SYNE1: variants seen among roughly 807,000 people sequenced by gnomAD.
SYNE1 encodes the protein spectrin repeat containing nuclear envelope protein 1.
Under a neutral mutation model 1,111.0 loss-of-function variants are expected in SYNE1, and 616 were observed. The ratio of observed to expected loss-of-function variants is 0.55; its 90% confidence interval spans 0.52 to 0.59. The LOEUF (loss-of-function observed/expected upper bound fraction) is 0.59, where lower values mean the gene tolerates loss of function less well. Ranked by LOEUF, SYNE1 falls within the 20% of genes least tolerant of loss-of-function variation. SYNE1 has a pLI of 0.00. For missense variants in SYNE1, 10,006 were observed against 10,417.0 expected, an observed-to-expected ratio of 0.96 and a Z score of 1.72; for synonymous variants, 3,855 against 3,825.8, an observed-to-expected ratio of 1.01 and a Z score of -0.28.
chr6:152,604,703 G>A (rs1435449518), intron 3 of SYNE1, among the ~76,000 whole-genome samples: 1 of 151,840 alleles, frequency 6.6e-6, no homozygotes, highest in Non-Finnish European at 1.5e-5. Flanking sequence ...ACTTTGGGAA[G>A]TCAAGGCAGG....
chr6:152,209,483 C>T (rs1394269307), intron 124 of SYNE1, among the ~76,000 whole-genome samples: 1 of 152,150 alleles, frequency 6.6e-6, no homozygotes, highest in African/African-American at 2.4e-5. Context: ...GGCCCGGTGA[C>T]TCACGTCTTT....
At chr6:152,281,260 A>T (rs2094009888) in intron 97 of SYNE1, among the ~76,000 whole-genome samples, 1 of 152,242 alleles carries the variant, frequency 6.6e-6, no homozygotes, top group Non-Finnish European at 1.5e-5. Context: ...TAGCATTAGA[A>T]TAAAGACTTT....
intron 127 of SYNE1, among the ~76,000 whole-genome samples, chr6:152,201,502 C>G (rs1017040877): frequency 2.7e-5 from 4 of 148,466 alleles, no homozygotes; most frequent in Admixed American, 6.7e-5. Context: ...CTTGTAGACT[C>G]GATTCTTCTG....
intron 46 of SYNE1, among the ~76,000 whole-genome samples, chr6:152,403,389 C>T (rs1156601534): frequency 2.0e-5 from 3 of 152,114 alleles, no homozygotes; most frequent in Non-Finnish European, 4.4e-5. Flanking sequence ...TCAGTAACAG[C>T]ATTAGGAAAA....
chr6:152,395,401 A>C, intron 51 of SYNE1, 115 bp downstream of exon 51: 1 of 1,082,438 alleles, frequency 9.2e-7, no homozygotes, highest in Non-Finnish European at 1.4e-6. Context: ...CAAGGACAGC[A>C]CAAACCACTA....
At chr6:152,514,035 G>T (rs767720186) in intron 6 of SYNE1, among the ~76,000 whole-genome samples, 1 of 152,184 alleles carries the variant, frequency 6.6e-6, no homozygotes, top group Non-Finnish European at 1.5e-5. Flanking sequence ...TGGTGGGAGT[G>T]TAAATTAGTT....
At chr6:152,553,649 A>G (rs1272169151) in intron 3 of SYNE1, among the ~76,000 whole-genome samples, 3 of 152,160 alleles carry the variant, frequency 2.0e-5, no homozygotes, top group African/African-American at 7.2e-5. Flanking sequence ...CCTCCTCAAC[A>G]GAGCAGGAAA....
At chr6:152,564,002 T>A (rs957043992) in intron 3 of SYNE1, among the ~76,000 whole-genome samples, 1 of 152,090 alleles carries the variant, frequency 6.6e-6, no homozygotes, top group Non-Finnish European at 1.5e-5. Context: ...ACATAAAATA[T>A]CAGTTAAAGA....
chr6:152,459,589 T>A (rs1167475954), intron 21 of SYNE1, among the ~76,000 whole-genome samples: 1 of 152,182 alleles, frequency 6.6e-6, no homozygotes, highest in Non-Finnish European at 1.5e-5. Context: ...CTGTCACTTG[T>A]CTTGTAAAAC....
intron 3 of SYNE1, among the ~76,000 whole-genome samples, chr6:152,617,882 C>T (rs1727042): frequency 0.72 from 108,841 of 152,052 alleles, 39,045 homozygotes; most frequent in East Asian, 0.81. Flanking sequence ...GGAAATGAGA[C>T]TGAGATTGGC....
At chr6:152,421,756 A>G (rs1466584208) in intron 39 of SYNE1, among the ~76,000 whole-genome samples, 2 of 151,094 alleles carry the variant, frequency 1.3e-5, no homozygotes, top group African/African-American at 4.9e-5. Context: ...CCCAGGCTGG[A>G]GTGCAATGGC....
At chr6:152,614,947 A>C (rs2099641660) in intron 3 of SYNE1, among the ~76,000 whole-genome samples, 1 of 152,150 alleles carries the variant, frequency 6.6e-6, no homozygotes, top group African/African-American at 2.4e-5. Flanking sequence ...ACACTTGGAG[A>C]CGGGGGCAGG....
intron 95 of SYNE1, 74 bp from the exon 96 acceptor site, chr6:152,284,246 T>G: frequency 6.8e-7 from 1 of 1,471,174 alleles, no homozygotes; most frequent in Non-Finnish European, 9.4e-7. Flanking sequence ...TAGCTGAGTC[T>G]CACATCCATT....
chr6:152,414,045 A>G (rs1330711631), intron 41 of SYNE1, among the ~76,000 whole-genome samples: 3 of 151,264 alleles, frequency 2.0e-5, no homozygotes, highest in Non-Finnish European at 2.9e-5. Flanking sequence ...TACTTTGTTG[A>G]AAAGATTACC....
At chr6:152,441,090 GT>G in intron 32 of SYNE1, 39 bp downstream of exon 32, 3 of 1,610,990 alleles carry the variant, frequency 1.9e-6, no homozygotes, top group Non-Finnish European at 2.5e-6. Context: ...GTTTTGCTTT[GT>G]TTTTTCTGAA....
intron 138 of SYNE1, 50 bp from the exon 139 acceptor site, chr6:152,141,379 C>T (rs767521366): frequency 1.9e-6 from 3 of 1,610,144 alleles, no homozygotes; most frequent in Non-Finnish European, 2.5e-6. Flanking sequence ...TTCATGAGTG[C>T]AAAAGCTTCC....
In SYNE1 at chr6:152,219,058, C is replaced by T; in HGVS notation, c.21989G>A (p.Ser7330Asn). The change falls in exon 120 of 146, where the codon AGT (serine) becomes AAT (asparagine). Residue 7330 changes from serine (S) to asparagine (N), a missense_variant. Ser to Asn is a conservative substitution (Grantham distance 46). This residue lies in a region of SYNE1 where 2,182 missense variants were observed against 2,287.8 expected (regional missense o/e 0.95). Transcript: ENST00000367255. ...TTGCTCCAGGGCACACAAGTGTTGA[C>T]TCAAAGAGAGTTGATCCGATTGAAT... Reference protein sequence around the residue: ...SAIQSDQLSLSQHLCALEQAL... With the variant: ...SAIQSDQLSLNQHLCALEQAL... The T allele has an allele frequency of 6.2e-7, 1 of 1,614,168 alleles. No individual in the cohort carries two copies. The highest frequency in any genetic ancestry group is 8.5e-7 in the Non-Finnish European group (1 of 1,180,020).
At chr6:152,224,732 G>A in intron 116 of SYNE1, 68 bp from the exon 117 acceptor site, 2 of 1,472,996 alleles carry the variant, frequency 1.4e-6, no homozygotes, top group South Asian at 1.2e-5. Context: ...ATATTCAATT[G>A]ATGGGAAAAT....
rs886044477 is a variant in SYNE1 at position 152,458,754 on chromosome 6, C to G, written c.2568+3G>C. On this transcript the variant is annotated splice_donor_region_variant and intron_variant, in intron 22 of 145. Transcript: ENST00000367255. ...ATTGTCTCCTGAAAAGGATTGTTCT[C>G]ACCTGATGTTTTTGTTTAAAAAGGG... 1 of 1,613,820 alleles carries G rather than the reference C, an allele frequency of 6.2e-7. No individual in the cohort carries two copies. The highest frequency in any genetic ancestry group is 8.5e-7 in the Non-Finnish European group (1 of 1,179,882).
Sources: gnomAD v4.1 joint callset for allele counts (sites outside exome capture counted in the v4.1 genomes callset) on GRCh38, gnomAD v4.1.1 for gene constraint, gnomAD v4.1.1 regional missense constraint, MANE v1.5 for transcripts, NCBI Gene and HGNC (gene_info 2026-07-23, HGNC 2026-07-21) for gene names.